CRIM1: variants seen among roughly 807,000 people sequenced by gnomAD.
CRIM1 encodes the protein cysteine rich transmembrane BMP regulator 1.
Under a neutral mutation model 116.4 loss-of-function variants are expected in CRIM1, and 32 were observed. The ratio of observed to expected loss-of-function variants is 0.27; its 90% CI spans 0.21 to 0.37. The LOEUF is 0.37. Ranked by LOEUF, CRIM1 falls within the 10% of genes least tolerant of loss-of-function variation. The pLI, the probability that CRIM1 is intolerant of heterozygous loss-of-function variation, is 1.00. For synonymous variants in CRIM1, 590 were observed against 509.2 expected, an observed-to-expected ratio of 1.16 and a Z score of -2.13; for missense variants, 1,331 against 1,354.8, an observed-to-expected ratio of 0.98 and a Z score of 0.28.
intron 1 of CRIM1, among the ~76,000 whole-genome samples, chr2:36,390,917 C>G (rs1671527808): frequency 6.6e-6 from 1 of 151,610 alleles, no homozygotes; most frequent in Admixed American, 6.6e-5. Context: ...TCAAGCAATT[C>G]TCATGCCTCA....
At chr2:36,431,927 C>G (rs552172412) in intron 2 of CRIM1, among the ~76,000 whole-genome samples, 2 of 152,294 alleles carry the variant, frequency 1.3e-5, no homozygotes, top group Non-Finnish European at 2.9e-5. Flanking sequence ...GTTACCGTGT[C>G]CCTTCCTCAG....
At chr2:36,360,807 C>G (rs904621984) in intron 1 of CRIM1, among the ~76,000 whole-genome samples, 3 of 152,110 alleles carry the variant, frequency 2.0e-5, no homozygotes, top group African/African-American at 7.2e-5. Context: ...TTTTAATTCA[C>G]TCATTAAGTA....
intron 11 of CRIM1, among the ~76,000 whole-genome samples, chr2:36,514,842 A>T (rs1664933914): frequency 6.6e-6 from 1 of 152,206 alleles, no homozygotes; most frequent in Non-Finnish European, 1.5e-5. Context: ...CAGCTCTGAG[A>T]TTCTGCACAG....
At position 36,522,017 on chromosome 2, in the gene CRIM1, C is replaced by A. The variant is rs540892747; in HGVS notation, c.2207-75C>A. On this transcript the variant is annotated intron_variant, in intron 12 of 16. Transcript: ENST00000280527. ...CCGAAAGCCATCATGACTGGGTGTG[C>A]TTTGAAACACACTATGTTGCATAGT... 242 of 1,267,148 alleles carry A rather than the reference C, an allele frequency of 1.9e-4. 3 individuals are homozygous for A. The South Asian group carries it at 1.9e-3, about 10-fold the overall frequency. 78.5% of individuals were successfully genotyped at this position (1,267,148 alleles called of 1,614,324 possible). A position where few individuals can be genotyped will look rare whatever the true frequency, so the allele number is the denominator to read the frequency against.
intron 2 of CRIM1, among the ~76,000 whole-genome samples, chr2:36,438,161 T>A (rs1264238557): frequency 1.3e-5 from 2 of 151,348 alleles, no homozygotes; most frequent in East Asian, 3.9e-4. Flanking sequence ...AAGAGTGGGA[T>A]AACCAGTAAG....
intron 15 of CRIM1, among the ~76,000 whole-genome samples, chr2:36,546,760 CTGATTTT>C: frequency 7.4e-6 from 1 of 134,308 alleles, no homozygotes; most frequent in Non-Finnish European, 1.5e-5. Flanking sequence ...GATTCTCACT[CTGATTTT>C]TTTTTTTTTT....
chr2:36,448,859 A>G (rs1572755154), intron 4 of CRIM1, among the ~76,000 whole-genome samples: 1 of 152,280 alleles, frequency 6.6e-6, no homozygotes, highest in Non-Finnish European at 1.5e-5. Context: ...GGTTGTGTGC[A>G]TTTCAGAAAG....
At chr2:36,442,012 C>G (rs577277801) in intron 3 of CRIM1, among the ~76,000 whole-genome samples, 28 of 152,336 alleles carry the variant, frequency 1.8e-4, no homozygotes, top group South Asian at 4.1e-4. Flanking sequence ...GCCCTCTTTA[C>G]TTTATAGCAT....
At chr2:36,379,842 C>A (rs1312523736) in intron 1 of CRIM1, among the ~76,000 whole-genome samples, 1 of 147,532 alleles carries the variant, frequency 6.8e-6, no homozygotes, top group East Asian at 2.0e-4. Flanking sequence ...TCATCTTACC[C>A]ACAGACTGAC....
intron 13 of CRIM1, among the ~76,000 whole-genome samples, chr2:36,523,155 G>GT (rs966563084): frequency 5.3e-5 from 8 of 152,034 alleles, no homozygotes; most frequent in Middle Eastern, 3.4e-3. Context: ...GGACAGTGGT[G>GT]TTTTTTTCCA....
intron 16 of CRIM1, among the ~76,000 whole-genome samples, chr2:36,547,922 C>T (rs1024439940): frequency 4.6e-5 from 7 of 152,156 alleles, no homozygotes; most frequent in African/African-American, 1.2e-4. Flanking sequence ...ACAGCCTGAA[C>T]AATTATGTAA....
intron 7 of CRIM1, among the ~76,000 whole-genome samples, chr2:36,480,180 G>A (rs1679298859): frequency 6.6e-6 from 1 of 152,216 alleles, no homozygotes; most frequent in Non-Finnish European, 1.5e-5. Context: ...CAATGGCTGT[G>A]GCTTTGCAAT....
chr2:36,462,720 G>C (rs995380337), intron 4 of CRIM1, among the ~76,000 whole-genome samples: 1 of 152,134 alleles, frequency 6.6e-6, no homozygotes, highest in Non-Finnish European at 1.5e-5. Context: ...CCAGGGTGTG[G>C]CCTGTCAGTA....
intron 14 of CRIM1, among the ~76,000 whole-genome samples, chr2:36,539,573 G>A (rs1363365032): frequency 6.6e-6 from 1 of 152,170 alleles, no homozygotes; most frequent in Non-Finnish European, 1.5e-5. Context: ...GGGGCATGGA[G>A]GTCAATAGTG....
rs753444336 is a variant in CRIM1 at position 36,464,522 on chromosome 2, C to G, written c.870-12C>G. On this transcript the variant is annotated splice_polypyrimidine_tract_variant and intron_variant, in intron 4 of 16. Transcript: ENST00000280527. ...ATTCATGGGGTTTTCCTTCCCTTTTCTTTGGTTTCAGATGCGAGTGTCTCT... is the reference window on the plus strand; with the variant it reads ...ATTCATGGGGTTTTCCTTCCCTTTTGTTTGGTTTCAGATGCGAGTGTCTCT... 6.2e-7 allele frequency: 1 copy of G among 1,613,790 alleles called. No individual in the cohort carries two copies. The highest frequency in any genetic ancestry group is 2.2e-5 in the East Asian group (1 of 44,860).
chr2:36,426,147 C>G lies in CRIM1; in HGVS notation c.506-15111C>G, dbSNP rs1024703009. 2.6e-5 allele frequency among the ~76,000 whole-genome samples: 4 copies of G among 152,178 alleles called. No individual in the cohort carries two copies. In the South Asian group the frequency reaches 6.2e-4, roughly 24 times the overall value. On this transcript the variant is annotated intron_variant, in intron 2 of 16. Transcript: ENST00000280527. ...CAGAAATCTGGGACCAATTAAAAAG[C>G]CGGCATGCTGTATTTGGCAATAGAT... is the stretch of plus-strand genomic sequence containing the variant.
chr2:36,503,649 T>C (rs1018313913), intron 8 of CRIM1, among the ~76,000 whole-genome samples: 4 of 151,948 alleles, frequency 2.6e-5, no homozygotes, highest in Non-Finnish European at 4.4e-5. Context: ...CCCTCAAATA[T>C]TATCTTTCTC....
chr2:36,527,262 C>T lies in CRIM1; in HGVS notation c.2428+4949C>T, dbSNP rs1347706996. Among the ~76,000 whole-genome samples the T allele has an allele frequency of 2.0e-5, 3 of 151,856 alleles. No homozygotes were observed. The East Asian group carries it at 5.8e-4, about 29-fold the overall frequency. On this transcript the variant is annotated intron_variant, in intron 13 of 16. Transcript: ENST00000280527. The stretch of plus-strand genomic sequence containing the variant: ...TTCTGATTACATGCCTTCTAATCAG[C>T]GAGTATCATTGAAGTGTTTTTAAGT...
At chr2:36,544,739 A>G (rs1397208830) in intron 15 of CRIM1, among the ~76,000 whole-genome samples, 2 of 152,198 alleles carry the variant, frequency 1.3e-5, no homozygotes, top group Admixed American at 6.5e-5. Flanking sequence ...AGACTTTGTG[A>G]TGACGGAAAT....
Sources: gnomAD v4.1 joint callset for allele counts (sites outside exome capture counted in the v4.1 genomes callset) on GRCh38, gnomAD v4.1.1 for gene constraint, MANE v1.5 for transcripts, NCBI Gene and HGNC (gene_info 2026-07-23, HGNC 2026-07-21) for gene names.